The following CPS1 variants were observed in gnomAD, a reference collection of about 807,000 sequenced individuals.
CPS1 encodes the protein carbamoyl-phosphate synthase 1.
CPS1 carries 109 observed loss-of-function variants against 174.6 expected under a neutral mutation model. The ratio of observed to expected loss-of-function variants is 0.62; its 90% CI spans 0.53 to 0.73. The LOEUF (loss-of-function observed/expected upper bound fraction) is 0.73. Among genes scored for constraint, CPS1 ranks in the 30% least tolerant of loss-of-function variants. The pLI is 0.00. For synonymous variants in CPS1, 637 were observed against 632.0 expected, an observed-to-expected ratio of 1.01 and a Z score of -0.12; for missense variants, 1,689 against 1,821.9, an observed-to-expected ratio of 0.93 and a Z score of 1.33.
At chr2:210,566,665 C>T (rs568921215) in intron 1 of CPS1, among the ~76,000 whole-genome samples, 20 of 152,188 alleles carry the variant, frequency 1.3e-4, no homozygotes, top group South Asian at 2.1e-4. Flanking sequence ...GTTCAGAAAC[C>T]GCTGCTCTTC....
At chr2:210,536,262 AT>A (rs1024252083) in intron 1 of CPS1, among the ~76,000 whole-genome samples, 25 of 146,276 alleles carry the variant, frequency 1.7e-4, no homozygotes, top group African/African-American at 3.8e-4. Context: ...AATAACCTCA[AT>A]TTTTTTTTCT....
chr2:210,493,625 A>G (rs567201661), intron 1 of CPS1, among the ~76,000 whole-genome samples: 2 of 152,354 alleles, frequency 1.3e-5, no homozygotes, highest in African/African-American at 4.8e-5. Context: ...ATAGATAGGT[A>G]AAGGGATATT....
intron 5 of CPS1, 57 bp downstream of exon 5, chr2:210,579,827 T>C: frequency 7.1e-7 from 1 of 1,416,960 alleles, no homozygotes; most frequent in Non-Finnish European, 9.9e-7. Context: ...TGTGTGTGTG[T>C]GTGTGTGGTG....
intron 2 of CPS1, among the ~76,000 whole-genome samples, chr2:210,574,116 T>C (rs917098265): frequency 6.6e-6 from 1 of 152,084 alleles, no homozygotes; most frequent in African/African-American, 2.4e-5. Context: ...GTCTCAATTC[T>C]AAGGATAACT....
intron 34 of CPS1, among the ~76,000 whole-genome samples, chr2:210,669,789 T>A (rs1024220730): frequency 6.6e-6 from 1 of 152,152 alleles, no homozygotes; most frequent in Non-Finnish European, 1.5e-5. Context: ...TTTGCCCAAC[T>A]TCCAGTTATG....
At chr2:210,573,499 C>A in intron 2 of CPS1, 92 bp downstream of exon 2, 1 of 960,750 alleles carries the variant, frequency 1.0e-6, no homozygotes, top group Non-Finnish European at 1.7e-6. Context: ...ATCACTGCAT[C>A]GTAGTAAGAC....
chr2:210,671,377 A>C (rs1052131005), intron 34 of CPS1, among the ~76,000 whole-genome samples: 1 of 152,200 alleles, frequency 6.6e-6, no homozygotes, highest in Non-Finnish European at 1.5e-5. Flanking sequence ...TCCCCGTAGA[A>C]TCCACAGGCA....
At chr2:210,566,900 C>G (rs139080077) in intron 1 of CPS1, among the ~76,000 whole-genome samples, 97 of 152,118 alleles carry the variant, frequency 6.4e-4, no homozygotes, top group African/African-American at 2.1e-3. Flanking sequence ...GCTCCCAAAC[C>G]TTACTTTTCC....
upstream of CPS1, among the ~76,000 whole-genome samples, chr2:210,555,060 A>C (rs1328811441): frequency 6.6e-6 from 1 of 152,040 alleles, no homozygotes; most frequent in Non-Finnish European, 1.5e-5. Context: ...CATGACTATT[A>C]TGAATACTAT....
chr2:210,546,798 C>T (rs189990874), intron 1 of CPS1, among the ~76,000 whole-genome samples: 8 of 152,170 alleles, frequency 5.3e-5, no homozygotes, highest in South Asian at 2.1e-4. Flanking sequence ...GGTTCAGTTA[C>T]GTATTTTATT....
intron 21 of CPS1, chr2:210,619,064 A>G (rs1312202738): frequency 6.6e-6 from 1 of 152,104 alleles, no homozygotes; most frequent in Non-Finnish European, 1.5e-5. Context: ...CTGCCTCAAC[A>G]TCTATCTCTG....
At position 210,678,047 on chromosome 2, in the gene CPS1, T is replaced by C. The variant is rs755951811; in HGVS notation, c.*62T>C. 1.6e-6 allele frequency: 2 copies of C among 1,225,352 alleles called. No homozygotes were observed. The highest frequency in any genetic ancestry group is 1.2e-5 in the South Asian group (1 of 83,332). 75.9% of individuals were successfully genotyped at this position (1,225,352 alleles called of 1,614,324 possible). A position where few individuals can be genotyped will look rare whatever the true frequency, so the allele number is the denominator to read the frequency against. Reference sequence around the variant, plus strand: ...TGAGCCACATGTTATCTAAAGGAACTGATTCACAACTTTCTCAGAGATGAA... The same window carrying C: ...TGAGCCACATGTTATCTAAAGGAACCGATTCACAACTTTCTCAGAGATGAA... On this transcript the variant is annotated 3_prime_UTR_variant, in exon 38 of 38. Coordinates refer to ENST00000233072, the MANE Select transcript of CPS1 (RefSeq NM_001875.5).
chr2:210,511,345 C>G (rs1218358656), intron 1 of CPS1, among the ~76,000 whole-genome samples: 1 of 151,882 alleles, frequency 6.6e-6, no homozygotes, highest in Admixed American at 6.6e-5. Flanking sequence ...AACACATGGA[C>G]ACAGGAAGGG....
At chr2:210,483,340 G>C (rs1280678141) in intron 1 of CPS1, among the ~76,000 whole-genome samples, 1 of 152,132 alleles carries the variant, frequency 6.6e-6, no homozygotes, top group Non-Finnish European at 1.5e-5. Context: ...CTGTAGGATA[G>C]GTACTTTACT....
intron 13 of CPS1, among the ~76,000 whole-genome samples, chr2:210,597,976 T>A (rs1043415428): frequency 6.6e-6 from 1 of 151,810 alleles, no homozygotes; most frequent in East Asian, 1.9e-4. Context: ...AGAAAATAAA[T>A]AGAAACCAGC....
At position 210,637,813 on chromosome 2, in the gene CPS1, A is replaced by G; in HGVS notation, c.2799A>G (p.Leu933=). The change falls in exon 22 of 38, where the codon TTA becomes TTG. Residue 933 remains leucine, a synonymous_variant. Coordinates refer to ENST00000233072, the MANE Select transcript of CPS1 (RefSeq NM_001875.5). ...AGGCCCAGACAAGGGAGCTGAGGTT[A>G]AAGAAAAACATCCACCCTTGGGTTA... is the stretch of plus-strand genomic sequence containing the variant. ...LTEAQTRELR[L]KKNIHPWVKQ... The G allele has an allele frequency of 6.2e-7, 1 of 1,613,992 alleles. No individual in the cohort carries two copies. Among genetic ancestry groups the G allele is most frequent in the East Asian group, 2.2e-5 (1 of 44,864 alleles).
chr2:210,551,856 C>G (rs1360887918), upstream of CPS1, among the ~76,000 whole-genome samples: 2 of 151,960 alleles, frequency 1.3e-5, no homozygotes, highest in African/African-American at 4.8e-5. Flanking sequence ...TGATATCTGT[C>G]TGTCATTTTC....
intron 30 of CPS1, among the ~76,000 whole-genome samples, chr2:210,657,863 C>G (rs928725590): frequency 6.6e-6 from 1 of 152,196 alleles, no homozygotes. Flanking sequence ...ACTTCAGTTT[C>G]TCATGTCAGG....
upstream of CPS1, among the ~76,000 whole-genome samples, chr2:210,555,077 A>T (rs572693301): frequency 1.3e-5 from 2 of 152,112 alleles, no homozygotes; most frequent in African/African-American, 4.8e-5. Context: ...CTATTTATGG[A>T]TGAAGGCTGA....
Sources: gnomAD v4.1 joint callset for allele counts (sites outside exome capture counted in the v4.1 genomes callset) on GRCh38, gnomAD v4.1.1 for gene constraint, MANE v1.5 for transcripts, NCBI Gene and HGNC (gene_info 2026-07-23, HGNC 2026-07-21) for gene names.